Variants in CYP2C19 observed in about 807,000 individuals in gnomAD.
CYP2C19 encodes the protein cytochrome P450 2C19.
In CYP2C19, 59 loss-of-function variants were observed where a neutral mutation model predicts 40.9. The observed-to-expected ratio is 1.44, with a 90% CI of 1.17 to 1.79. The LOEUF is 1.79. Among genes scored for constraint, CYP2C19 ranks in the 40% most tolerant of loss-of-function variants. CYP2C19 has a pLI of 0.00. For synonymous variants in CYP2C19, 253 were observed against 208.7 expected (o/e 1.21, Z -1.83); for missense variants, 754 against 596.9 (o/e 1.26, Z -2.74).
chr10:94,769,458 T>C (rs578101874), intron 1 of CYP2C19, among the ~76,000 whole-genome samples: 1 of 152,296 alleles, frequency 6.6e-6, no homozygotes, highest in East Asian at 1.9e-4. Flanking sequence ...GAAGGCATCC[T>C]TGAGGTCCAG....
chr10:94,789,028 G>A (rs776554855), intron 5 of CYP2C19, among the ~76,000 whole-genome samples: 2 of 151,828 alleles, frequency 1.3e-5, no homozygotes, highest in African/African-American at 4.8e-5. Flanking sequence ...GACTTTTAAT[G>A]TTCGCCATTC....
intron 7 of CYP2C19, among the ~76,000 whole-genome samples, chr10:94,845,993 A>G (rs917508182): frequency 3.3e-5 from 5 of 152,106 alleles, no homozygotes; most frequent in African/African-American, 1.2e-4. Flanking sequence ...CCCAATAACA[A>G]TGGTTTTCTC....
intron 6 of CYP2C19, among the ~76,000 whole-genome samples, chr10:94,831,213 C>G (rs946283423): frequency 3.9e-5 from 6 of 152,034 alleles, no homozygotes; most frequent in Non-Finnish European, 7.4e-5. Context: ...GAATCTCATT[C>G]TTTTTTTATG....
In CYP2C19 at chr10:94,843,947, A is replaced by G. The variant is rs553020873; in HGVS notation, c.1149+923A>G. Among the ~76,000 whole-genome samples, 6 of 152,314 alleles carry G rather than the reference A, an allele frequency of 3.9e-5. No homozygotes were observed. In the East Asian group the frequency reaches 9.6e-4, roughly 24 times the overall value. On this transcript the variant is annotated intron_variant, in intron 7 of 8. Transcript: ENST00000371321. ...TCAGATTAGGGAAGTTTGCCCTCAC[A>G]TATATATAGAAATAAATATAAATAG...
chr10:94,763,787 G>A (rs1564657274), intron 1 of CYP2C19, among the ~76,000 whole-genome samples: 1 of 152,052 alleles, frequency 6.6e-6, no homozygotes, highest in Non-Finnish European at 1.5e-5. Context: ...GTCTGGAACT[G>A]GTTCTTTCCA....
At chr10:94,798,088 G>A (rs1046342413) in intron 5 of CYP2C19, among the ~76,000 whole-genome samples, 1 of 151,932 alleles carries the variant, frequency 6.6e-6, no homozygotes, top group Admixed American at 6.6e-5. Context: ...GAGTTTTGGT[G>A]TCAATTTTAG....
chr10:94,778,382 C>T (rs529224833), intron 3 of CYP2C19, among the ~76,000 whole-genome samples: 1 of 152,282 alleles, frequency 6.6e-6, no homozygotes, highest in South Asian at 2.1e-4. Flanking sequence ...TTTCAGAAGG[C>T]CTGCTCCTTT....
At chr10:94,833,039 A>G (rs1849355855) in intron 6 of CYP2C19, among the ~76,000 whole-genome samples, 2 of 152,144 alleles carry the variant, frequency 1.3e-5, no homozygotes, top group African/African-American at 2.4e-5. Context: ...ATGGGATTAC[A>G]TTTTAAATTT....
intron 5 of CYP2C19, among the ~76,000 whole-genome samples, chr10:94,800,562 T>C (rs1180254585): frequency 6.6e-6 from 1 of 152,196 alleles, no homozygotes; most frequent in Non-Finnish European, 1.5e-5. Context: ...TTCAGAGCTG[T>C]CAGATAGGGA....
chr10:94,800,597 G>A (rs1357847515), intron 5 of CYP2C19, among the ~76,000 whole-genome samples: 1 of 152,202 alleles, frequency 6.6e-6, no homozygotes, highest in African/African-American at 2.4e-5. Flanking sequence ...GAAGTTGTCT[G>A]CTGCCTTTTT....
At chr10:94,790,024 C>G (rs970905446) in intron 5 of CYP2C19, among the ~76,000 whole-genome samples, 46 of 152,080 alleles carry the variant, frequency 3.0e-4, no homozygotes, top group African/African-American at 1.1e-3. Flanking sequence ...TTTCGTTGAG[C>G]AGTGGTTTGT....
intron 5 of CYP2C19, among the ~76,000 whole-genome samples, chr10:94,799,495 T>C (rs534267957): frequency 2.8e-4 from 42 of 152,300 alleles, no homozygotes; most frequent in Admixed American, 4.6e-4. Context: ...GTTGCTCTTC[T>C]CGAGGAGTAT....
chr10:94,815,671 A>T (rs948304859), intron 5 of CYP2C19, among the ~76,000 whole-genome samples: 1 of 151,958 alleles, frequency 6.6e-6, no homozygotes, highest in African/African-American at 2.4e-5. Context: ...GTATATTTTT[A>T]TTTATTCCTG....
intron 5 of CYP2C19, among the ~76,000 whole-genome samples, chr10:94,816,180 T>A (rs1260231902): frequency 6.6e-6 from 1 of 151,810 alleles, no homozygotes; most frequent in Non-Finnish European, 1.5e-5. Flanking sequence ...AATAAGGGGG[T>A]AGGAAATAAA....
intron 5 of CYP2C19, among the ~76,000 whole-genome samples, chr10:94,816,716 T>A (rs1279143403): frequency 7.1e-6 from 1 of 141,780 alleles, no homozygotes; most frequent in African/African-American, 2.6e-5. Context: ...CTCCCAATGC[T>A]ATCCCTCCCC....
chr10:94,798,474 TG>T (rs1373657971), intron 5 of CYP2C19, among the ~76,000 whole-genome samples: 6 of 152,286 alleles, frequency 3.9e-5, no homozygotes, highest in Non-Finnish European at 4.4e-5. Context: ...TCTGTTGATT[TG>T]GGGTGGCGAG....
chr10:94,833,453 C>CTT lies in CYP2C19; in HGVS notation c.962-9376_962-9375dup, dbSNP rs536982317. The stretch of plus-strand genomic sequence containing the variant: ...CCTTCTATCTCAAGTGTTTTTTTTT[C>CTT]TTTTTTTTTATTATACTTTAAGATT... On this transcript the variant is annotated intron_variant, in intron 6 of 8. Coordinates refer to ENST00000371321, the MANE Select transcript of CYP2C19 (RefSeq NM_000769.4). 3.1e-3 allele frequency among the ~76,000 whole-genome samples: 460 copies of CTT among 149,320 alleles called. 1 individual carries two copies. The highest frequency in any genetic ancestry group is 0.011 in the African/African-American group (437 of 40,664).
At chr10:94,824,007 T>C (rs911499338) in intron 6 of CYP2C19, among the ~76,000 whole-genome samples, 2 of 152,144 alleles carry the variant, frequency 1.3e-5, no homozygotes, top group African/African-American at 4.8e-5. Context: ...TTATGAGAGT[T>C]TCCAATAACT....
chr10:94,837,634 C>T (rs1849424954), intron 6 of CYP2C19, among the ~76,000 whole-genome samples: 1 of 152,082 alleles, frequency 6.6e-6, no homozygotes, highest in Non-Finnish European at 1.5e-5. Flanking sequence ...TCCTAGGACC[C>T]CTTGGATAGT....
Sources: allele counts gnomAD v4.1 joint callset (sites outside exome capture counted in the v4.1 genomes callset), GRCh38; gene constraint gnomAD v4.1.1; transcripts MANE v1.5; gene names NCBI Gene and HGNC (gene_info 2026-07-23, HGNC 2026-07-21).